KYAT1: variants seen among roughly 807,000 people sequenced by gnomAD.
KYAT1 encodes kynurenine aminotransferase 1.
KYAT1 carries 47 observed loss-of-function variants against 52.4 expected under a neutral mutation model. The ratio of observed to expected loss-of-function variants is 0.90; its 90% CI spans 0.71 to 1.14. The LOEUF is 1.14. Ranked by LOEUF, KYAT1 falls within the 50% of genes most tolerant of loss-of-function variation. KYAT1 has a pLI of 0.00. For missense variants in KYAT1, 480 were observed against 557.9 expected, an observed-to-expected ratio of 0.86 and a Z score of 1.41; for synonymous variants, 212 against 209.6, an observed-to-expected ratio of 1.01 and a Z score of -0.10.
At chr9:128,873,818 C>T (rs1485559120) in intron 1 of KYAT1, among the ~76,000 whole-genome samples, 1 of 151,414 alleles carries the variant, frequency 6.6e-6, no homozygotes, top group Non-Finnish European at 1.5e-5. Flanking sequence ...TGGTGATGCA[C>T]ACCTGTAATC....
chr9:128,833,910 A>C (rs1830545449), intron 11 of KYAT1, 84 bp from the exon 12 acceptor site: 2 of 1,067,038 alleles, frequency 1.9e-6, no homozygotes, highest in Non-Finnish European at 2.8e-6. Context: ...GGTTCCCACG[A>C]CCAGGCGGGG....
In KYAT1 at chr9:128,838,268, AG is replaced by A; in HGVS notation, c.300del (p.Tyr101MetfsTer31). On this transcript the variant is annotated frameshift_variant, in exon 4 of 13. Coordinates refer to ENST00000302586, the MANE Select transcript of KYAT1 (RefSeq NM_004059.5). LOFTEE classifies it high-confidence loss of function. ...TGGAAGGCTGTGAACAGGGCCCCATAGCCACCAACAGTCACCAGCACATTCC... is the reference window on the plus strand; with the variant it reads ...TGGAAGGCTGTGAACAGGGCCCCATACCACCAACAGTCACCAGCACATTCC... ...PLRNVLVTVGGYGALFTAFQA... is the reference protein window; with the variant it reads ...PLRNVLVTVGXYGALFTAFQA... The A allele has an allele frequency of 6.2e-7, 1 of 1,614,190 alleles. No individual in the cohort carries two copies. The highest frequency in any genetic ancestry group is 8.5e-7 in the Non-Finnish European group (1 of 1,180,036).
At chr9:128,869,790 G>T (rs955242398) in intron 1 of KYAT1, among the ~76,000 whole-genome samples, 3 of 149,426 alleles carry the variant, frequency 2.0e-5, no homozygotes, top group Non-Finnish European at 4.4e-5. Context: ...GTCTCACTCT[G>T]TTGCCCAGGC....
chr9:128,834,348 A>C (rs1007687134), intron 11 of KYAT1, among the ~76,000 whole-genome samples: 3 of 152,186 alleles, frequency 2.0e-5, no homozygotes, highest in African/African-American at 7.2e-5. Flanking sequence ...AGGCTGACAG[A>C]GGGAGGATCA....
chr9:128,844,825 T>C (rs1183561399), intron 2 of KYAT1, among the ~76,000 whole-genome samples: 1 of 151,846 alleles, frequency 6.6e-6, no homozygotes, highest in Admixed American at 6.6e-5. Context: ...GACCGCACCA[T>C]TGCACTCCAG....
chr9:128,847,588 C>T, intron 1 of KYAT1: 1 of 1,243,458 alleles, frequency 8.0e-7, no homozygotes, highest in Non-Finnish European at 1.1e-6. Flanking sequence ...AGGGAGGAAA[C>T]AGCCCTGGCC....
chr9:128,855,952 T>C (rs151286026), intron 1 of KYAT1, among the ~76,000 whole-genome samples: 154 of 152,314 alleles, frequency 1.0e-3, no homozygotes, highest in African/African-American at 2.9e-3. Flanking sequence ...CAGACTCAAA[T>C]AGACCAAAAA....
In KYAT1 at chr9:128,857,200, GT is replaced by G. The variant is rs538631999; in HGVS notation, c.-6-11790del. On this transcript the variant is annotated intron_variant, in intron 1 of 12. Transcript: ENST00000302586. ...ATGACATAGATTCTTTTGCTCACAT[GT>G]TTTTTTGCTGACCTTCTCCTTATTA... is the stretch of plus-strand genomic sequence containing the variant. Among the ~76,000 whole-genome samples the G allele has an allele frequency of 1.7e-3, 256 of 152,226 alleles. 1 individual carries two copies. The highest frequency in any genetic ancestry group is 3.9e-3 in the Admixed American group (59 of 15,292).
At chr9:128,858,705 A>G (rs891441377) in intron 1 of KYAT1, among the ~76,000 whole-genome samples, 4 of 151,900 alleles carry the variant, frequency 2.6e-5, no homozygotes, top group Non-Finnish European at 4.4e-5. Context: ...CAAAAAACAA[A>G]AAAAGAAAAA....
At chr9:128,866,220 T>C (rs979530602) in intron 1 of KYAT1, among the ~76,000 whole-genome samples, 2 of 152,218 alleles carry the variant, frequency 1.3e-5, no homozygotes, top group African/African-American at 2.4e-5. Flanking sequence ...TGAGCCTTAA[T>C]ATGCAAATAT....
At chr9:128,837,005 C>A (rs1367003595) in intron 6 of KYAT1, 83 bp from the exon 7 acceptor site, 15 of 1,527,044 alleles carry the variant, frequency 9.8e-6, no homozygotes, top group Non-Finnish European at 1.3e-5. Context: ...TTAAAGAACA[C>A]AGCTGCGGCC....
In KYAT1 at chr9:128,841,375, C is replaced by T. The variant is rs555416581; in HGVS notation, c.201+1279G>A. Among the ~76,000 whole-genome samples, 114 of 152,088 alleles carry T rather than the reference C, an allele frequency of 7.5e-4. 1 individual carries two copies. Among genetic ancestry groups the T allele is most frequent in the African/African-American group, 2.5e-3 (105 of 41,510 alleles). On this transcript the variant is annotated intron_variant, in intron 3 of 12. Transcript: ENST00000302586. The stretch of plus-strand genomic sequence containing the variant: ...AAAATTAGCTGGGCATGGTGGCGGG[C>T]GCCTGTAATCCCAACTACTCAAGAG...
chr9:128,870,376 C>T (rs1837064278), intron 1 of KYAT1, among the ~76,000 whole-genome samples: 1 of 152,204 alleles, frequency 6.6e-6, no homozygotes, highest in South Asian at 2.1e-4. Flanking sequence ...GCCAGGGCGA[C>T]ATGGCTGATG....
chr9:128,854,514 C>A (rs1487603567), intron 1 of KYAT1, among the ~76,000 whole-genome samples: 1 of 152,176 alleles, frequency 6.6e-6, no homozygotes, highest in African/African-American at 2.4e-5. Context: ...TTGCCATCCA[C>A]CAAAAAAGCG....
Position 128,846,521 on chromosome 9 carries a change from C to T in KYAT1, c.-6-1110G>A, listed in dbSNP as rs550209826. Among the ~76,000 whole-genome samples the T allele has an allele frequency of 6.1e-5, 9 of 148,412 alleles. 1 individual carries two copies. The South Asian group carries it at 1.9e-3, about 31-fold the overall frequency. On this transcript the variant is annotated intron_variant, in intron 1 of 12. Transcript: ENST00000302586. ...GGCTGAGGCCTGAGAATCACTTGAACCTGGGAGATGGAGATTGCAGTGGGC... is the reference window on the plus strand; with the variant it reads ...GGCTGAGGCCTGAGAATCACTTGAATCTGGGAGATGGAGATTGCAGTGGGC...
At chr9:128,882,451 C>T, upstream of KYAT1, 1 of 353,578 alleles carries the variant, frequency 2.8e-6, no homozygotes, top group Non-Finnish European at 5.1e-6. Flanking sequence ...ACCACCTTCT[C>T]GCCGGCTCCG....
At chr9:128,870,237 C>T (rs2130784131) in intron 1 of KYAT1, among the ~76,000 whole-genome samples, 1 of 152,164 alleles carries the variant, frequency 6.6e-6, no homozygotes, top group Middle Eastern at 3.4e-3. Flanking sequence ...CCCAAATTGT[C>T]CATCAATGGA....
Position 128,842,669 on chromosome 9 carries a change from C to T in KYAT1, c.186G>A (p.Gln62=), listed in dbSNP as rs777613814. Residue 62 remains glutamine (Q), a synonymous_variant, in exon 3 of 13, where the codon CAG becomes CAA. Coordinates refer to ENST00000302586, the MANE Select transcript of KYAT1 (RefSeq NM_004059.5). ...GGAGACTCACAAATGTCTTGGTGTA[C>T]TGGTTAAGCATGAAGTCTCCACTGA... is the stretch of plus-strand genomic sequence containing the variant. ...HAVSGDFMLN[Q]YTKTFGYPPL... is the part of the protein sequence containing the mutation. 1 of 1,613,974 alleles carries T rather than the reference C, an allele frequency of 6.2e-7. No homozygotes were observed. Among genetic ancestry groups the T allele is most frequent in the Non-Finnish European group, 8.5e-7 (1 of 1,179,914 alleles).
At chr9:128,859,145 G>A (rs1447343039) in intron 1 of KYAT1, among the ~76,000 whole-genome samples, 3 of 151,902 alleles carry the variant, frequency 2.0e-5, no homozygotes, top group Non-Finnish European at 4.4e-5. Flanking sequence ...GGCGGATCAC[G>A]AGGTCAGGAG....
Sources: allele counts gnomAD v4.1 joint callset (sites outside exome capture counted in the v4.1 genomes callset), GRCh38; gene constraint gnomAD v4.1.1; transcripts MANE v1.5; gene names NCBI Gene and HGNC (gene_info 2026-07-23, HGNC 2026-07-21).